GRK3: variants seen among roughly 807,000 people sequenced by gnomAD.
GRK3 encodes the protein adrenergic, beta, receptor kinase 2.
Under a neutral mutation model 95.7 loss-of-function variants are expected in GRK3, and 54 were observed. The ratio of observed to expected loss-of-function variants is 0.56; its 90% confidence interval spans 0.45 to 0.71. The LOEUF is 0.71. Among genes scored for constraint, GRK3 ranks in the 30% least tolerant of loss-of-function variants. The pLI, the probability that GRK3 is intolerant of heterozygous loss-of-function variation, is 0.00. For missense variants in GRK3, 649 were observed against 851.2 expected, an observed-to-expected ratio of 0.76 and a Z score of 2.96; for synonymous variants, 281 against 290.8, an observed-to-expected ratio of 0.97 and a Z score of 0.34.
At chr22:25,720,292 A>G (rs2085420853) in intron 19 of GRK3, among the ~76,000 whole-genome samples, 1 of 152,186 alleles carries the variant, frequency 6.6e-6, no homozygotes, top group Non-Finnish European at 1.5e-5. Context: ...TTAAGAAGCT[A>G]CATAATATGC....
At chr22:25,593,376 C>A (rs115799013) in intron 1 of GRK3, among the ~76,000 whole-genome samples, 2,943 of 151,530 alleles carry the variant, frequency 0.019, 99 homozygotes, top group African/African-American at 0.067. Context: ...TTCTTTCTTT[C>A]TTTTTTTAAA....
rs1003198447 is a variant in GRK3 at position 25,728,168 on chromosome 22, C to T, written c.*5718C>T. On this transcript the variant is annotated 3_prime_UTR_variant, in exon 21 of 21. Transcript: ENST00000324198. Reference sequence around the variant, plus strand: ...ATACAATAAAATTGAAATAATGCACCTAGTAATGTGGCCGACATCTCTTCT... The same window carrying T: ...ATACAATAAAATTGAAATAATGCACTTAGTAATGTGGCCGACATCTCTTCT... 6.6e-6 allele frequency: 1 copy of T among 152,134 alleles called. No individual in the cohort carries two copies. Among genetic ancestry groups the T allele is most frequent in the Non-Finnish European group, 1.5e-5 (1 of 68,020 alleles). 9.4% of individuals were successfully genotyped at this position (152,134 alleles called of 1,614,324 possible). A position where few individuals can be genotyped will look rare whatever the true frequency, so the allele number is the denominator to read the frequency against.
intron 17 of GRK3, among the ~76,000 whole-genome samples, chr22:25,711,944 A>G (rs1285834002): frequency 6.6e-6 from 1 of 152,246 alleles, no homozygotes; most frequent in Non-Finnish European, 1.5e-5. Flanking sequence ...TAAAAGAGTG[A>G]CAAGTAAAAT....
In GRK3 at chr22:25,723,914, A is replaced by G. The variant is rs1201095101; in HGVS notation, c.*1464A>G. ...TTTGAGAGTTTGGAAGATAATTACC[A>G]AAAGGGTCCATTATTTCATAAGAGT... On this transcript the variant is annotated 3_prime_UTR_variant, in exon 21 of 21. Coordinates refer to ENST00000324198, the MANE Select transcript of GRK3 (RefSeq NM_005160.4). 6.6e-6 allele frequency: 1 copy of G among 151,854 alleles called. No homozygotes were observed. The highest frequency in any genetic ancestry group is 1.5e-5 in the Non-Finnish European group (1 of 67,930). The allele number at this position is 151,854 out of a possible 1,614,324, so 9.4% of individuals were successfully genotyped here. A position where few individuals can be genotyped will look rare whatever the true frequency, so the allele number is the denominator to read the frequency against.
chr22:25,653,532 G>A (rs1014246753), intron 3 of GRK3, among the ~76,000 whole-genome samples: 1 of 152,094 alleles, frequency 6.6e-6, no homozygotes, highest in African/African-American at 2.4e-5. Flanking sequence ...GATATAAAAT[G>A]ACAAATCTAT....
chr22:25,695,259 G>T, intron 13 of GRK3, 45 bp downstream of exon 13: 4 of 1,337,070 alleles, frequency 3.0e-6, no homozygotes, highest in South Asian at 1.2e-5. Flanking sequence ...ATGGCAGCAG[G>T]AGCTTGGATG....
At chr22:25,719,469 G>A (rs1368159877) in intron 19 of GRK3, among the ~76,000 whole-genome samples, 1 of 152,162 alleles carries the variant, frequency 6.6e-6, no homozygotes, top group Non-Finnish European at 1.5e-5. Flanking sequence ...TCTCCACCTT[G>A]TTGAGAATTT....
At chr22:25,653,288 A>C (rs118170497) in intron 3 of GRK3, among the ~76,000 whole-genome samples, 3 of 152,218 alleles carry the variant, frequency 2.0e-5, no homozygotes, top group African/African-American at 7.2e-5. Context: ...CCCTCCCCCA[A>C]TATACTGCTT....
chr22:25,565,517 G>A (rs1931443115), intron 1 of GRK3, among the ~76,000 whole-genome samples: 1 of 149,864 alleles, frequency 6.7e-6, no homozygotes, highest in Admixed American at 6.7e-5. Flanking sequence ...CTGTTGCATT[G>A]GTGTAGTCCC....
At chr22:25,612,172 G>A (rs1156371223) in intron 2 of GRK3, among the ~76,000 whole-genome samples, 1 of 152,016 alleles carries the variant, frequency 6.6e-6, no homozygotes, top group Non-Finnish European at 1.5e-5. Context: ...TAACAAATTT[G>A]CAAAGGTTTT....
intron 9 of GRK3, among the ~76,000 whole-genome samples, chr22:25,682,507 C>T (rs1258019563): frequency 6.6e-6 from 1 of 152,134 alleles, no homozygotes; most frequent in Non-Finnish European, 1.5e-5. Flanking sequence ...TGGTCTTGAG[C>T]TGTTAGCTTT....
chr22:25,598,065 A>T (rs1232676923), intron 1 of GRK3, among the ~76,000 whole-genome samples: 1 of 152,202 alleles, frequency 6.6e-6, no homozygotes, highest in Non-Finnish European at 1.5e-5. Context: ...AAGCCATCGA[A>T]TGTAAAGACA....
At chr22:25,620,113 C>T (rs2084572880) in intron 2 of GRK3, among the ~76,000 whole-genome samples, 1 of 150,398 alleles carries the variant, frequency 6.6e-6, no homozygotes, top group Non-Finnish European at 1.5e-5. Context: ...GGAAGAAGCT[C>T]CCCTGTACAG....
intron 9 of GRK3, among the ~76,000 whole-genome samples, chr22:25,683,583 A>T (rs1241367705): frequency 6.6e-6 from 1 of 152,198 alleles, no homozygotes; most frequent in Non-Finnish European, 1.5e-5. Context: ...TCGTGGGTTT[A>T]GTGATGGCAT....
At chr22:25,571,111 C>G (rs1020787469) in intron 1 of GRK3, among the ~76,000 whole-genome samples, 5 of 152,174 alleles carry the variant, frequency 3.3e-5, no homozygotes, top group Admixed American at 1.3e-4. Flanking sequence ...GTTTCAGGAG[C>G]AGAAAAAGAT....
chr22:25,672,235 G>T, intron 6 of GRK3, 61 bp from the exon 7 acceptor site: 1 of 870,842 alleles, frequency 1.1e-6, no homozygotes, highest in Non-Finnish European at 1.8e-6. Flanking sequence ...TTACGGTGTT[G>T]TTTTGTAAAT....
intron 2 of GRK3, among the ~76,000 whole-genome samples, chr22:25,608,160 A>G (rs550342117): frequency 2.0e-5 from 3 of 152,204 alleles, no homozygotes; most frequent in Non-Finnish European, 2.9e-5. Flanking sequence ...GTTAAGACAC[A>G]TAATTTCTAT....
chr22:25,711,580 A>C (rs2085344125), intron 17 of GRK3, among the ~76,000 whole-genome samples: 1 of 152,162 alleles, frequency 6.6e-6, no homozygotes, highest in Non-Finnish European at 1.5e-5. Flanking sequence ...TTGTCAATCA[A>C]AGGTGAAATA....
At chr22:25,650,092 A>G (rs1244156324) in intron 3 of GRK3, among the ~76,000 whole-genome samples, 2 of 151,936 alleles carry the variant, frequency 1.3e-5, no homozygotes, top group African/African-American at 2.4e-5. Context: ...CACTGGTTCA[A>G]GTGATTCTCC....
Sources: gnomAD v4.1 joint callset for allele counts (sites outside exome capture counted in the v4.1 genomes callset) on GRCh38, gnomAD v4.1.1 for gene constraint, MANE v1.5 for transcripts, NCBI Gene and HGNC (gene_info 2026-07-23, HGNC 2026-07-21) for gene names.